The following MTHFD1L variants were observed in gnomAD, a reference collection of about 807,000 sequenced individuals.
MTHFD1L encodes the protein methylenetetrahydrofolate dehydrogenase (NADP+ dependent) 1 like.
A neutral mutation model predicts 119.5 loss-of-function variants in MTHFD1L; 81 were observed. The observed-to-expected ratio is 0.68, with a 90% CI of 0.57 to 0.82. The LOEUF (loss-of-function observed/expected upper bound fraction) is 0.82. Ranked by LOEUF, MTHFD1L falls within the 40% of genes least tolerant of loss-of-function variation. MTHFD1L has a pLI of 0.00. For synonymous variants in MTHFD1L, 430 were observed against 475.2 expected, an observed-to-expected ratio of 0.90 and a Z score of 1.24; for missense variants, 1,125 against 1,253.4, an observed-to-expected ratio of 0.90 and a Z score of 1.55.
chr6:150,877,613 T>G (rs765090172), intron 2 of MTHFD1L, 21 bp from the exon 3 acceptor site: 5 of 1,613,618 alleles, frequency 3.1e-6, no homozygotes, highest in Non-Finnish European at 4.2e-6. Flanking sequence ...TATGTTGTTA[T>G]GTTGTTTTTA....
chr6:150,923,550 T>TATTTA (rs1583579454), intron 10 of MTHFD1L, among the ~76,000 whole-genome samples: 2 of 140,650 alleles, frequency 1.4e-5, no homozygotes, highest in Admixed American at 7.1e-5. Context: ...TTTTCTTTTT[T>TATTTA]TTTTTTTTTT....
Position 150,973,575 on chromosome 6 carries a change from C to T in MTHFD1L, c.2125+1517C>T, listed in dbSNP as rs924729991. 8.5e-5 allele frequency among the ~76,000 whole-genome samples: 13 copies of T among 152,334 alleles called. No homozygotes were observed. In the East Asian group the frequency reaches 2.3e-3, roughly 27 times the overall value. ...AAATAAAGTAGCTTCTAGAAGGAAG[C>T]ACTCTATTTTATGCTGACAGAGATC... On this transcript the variant is annotated intron_variant, in intron 20 of 27. Coordinates refer to ENST00000367321, the MANE Select transcript of MTHFD1L (RefSeq NM_015440.5).
At chr6:150,866,726 C>G (rs1778408877) in intron 1 of MTHFD1L, 2 of 1,082,048 alleles carry the variant, frequency 1.8e-6, no homozygotes, top group South Asian at 9.1e-5. Flanking sequence ...CCACGGAGTC[C>G]CCGCGCAGCT....
At chr6:150,890,914 A>C (rs1783145527) in intron 7 of MTHFD1L, among the ~76,000 whole-genome samples, 1 of 152,238 alleles carries the variant, frequency 6.6e-6, no homozygotes, top group Non-Finnish European at 1.5e-5. Context: ...AGTTCATAAA[A>C]CAATGATATA....
intron 20 of MTHFD1L, 22 bp from the exon 21 acceptor site, chr6:151,009,797 T>G (rs1448218627): frequency 6.2e-7 from 1 of 1,613,082 alleles, no homozygotes; most frequent in South Asian, 1.1e-5. Flanking sequence ...TAATAGCACA[T>G]ATTCCACTTG....
chr6:150,892,667 C>T (rs983918897), intron 7 of MTHFD1L, among the ~76,000 whole-genome samples: 1 of 151,566 alleles, frequency 6.6e-6, no homozygotes, highest in Non-Finnish European at 1.5e-5. Flanking sequence ...AGGCTCCTGT[C>T]CCACCACAAA....
At chr6:150,994,835 AC>A (rs1434379707) in intron 20 of MTHFD1L, among the ~76,000 whole-genome samples, 2 of 152,246 alleles carry the variant, frequency 1.3e-5, no homozygotes, top group Non-Finnish European at 2.9e-5. Context: ...TGGCATCGTT[AC>A]ATTGCAGATA....
At chr6:150,960,659 C>T (rs73615208) in intron 18 of MTHFD1L, among the ~76,000 whole-genome samples, 8,436 of 152,152 alleles carry the variant, frequency 0.055, 783 homozygotes, top group African/African-American at 0.19. Context: ...AGGAGCTTTC[C>T]ACCATCCTTG....
At chr6:150,964,675 G>A (rs1796938858) in intron 18 of MTHFD1L, among the ~76,000 whole-genome samples, 1 of 152,174 alleles carries the variant, frequency 6.6e-6, no homozygotes, top group South Asian at 2.1e-4. Flanking sequence ...TTCTTGCAAT[G>A]AAAGATTTGT....
At chr6:150,911,904 C>G (rs1023731720) in intron 8 of MTHFD1L, among the ~76,000 whole-genome samples, 22 of 152,168 alleles carry the variant, frequency 1.4e-4, no homozygotes, top group African/African-American at 5.1e-4. Flanking sequence ...AAACCACCCC[C>G]ATGATTCAAA....
chr6:150,889,185 A>G (rs1424315063), intron 7 of MTHFD1L, among the ~76,000 whole-genome samples: 1 of 152,004 alleles, frequency 6.6e-6, no homozygotes, highest in Non-Finnish European at 1.5e-5. Context: ...TCAAAAAAAA[A>G]AGCTAAAACA....
chr6:150,865,807 C>T lies in MTHFD1L; in HGVS notation c.-16C>T. 1 of 1,292,604 alleles carries T rather than the reference C, an allele frequency of 7.7e-7. No homozygotes were observed. Among genetic ancestry groups the T allele is most frequent in the Non-Finnish European group, 9.9e-7 (1 of 1,012,398 alleles). The allele number at this position is 1,292,604 out of a possible 1,614,324, so 80.1% of individuals were successfully genotyped here. On this transcript the variant is annotated 5_prime_UTR_variant, in exon 1 of 28. Coordinates refer to ENST00000367321, the MANE Select transcript of MTHFD1L (RefSeq NM_015440.5). Reference sequence around the variant, plus strand: ...GCCGCAGCTCCGTGTCCCCTGAGAACCAGCCGTCCCGCGCCATGGGCACGC... The same window carrying T: ...GCCGCAGCTCCGTGTCCCCTGAGAATCAGCCGTCCCGCGCCATGGGCACGC...
rs1277512673 is a variant in MTHFD1L at position 150,918,669 on chromosome 6, G to T, written c.984+1G>T. 2 of 1,612,802 alleles carry T rather than the reference G, an allele frequency of 1.2e-6. No individual in the cohort carries two copies. Among genetic ancestry groups the T allele is most frequent in the Admixed American group, 3.3e-5 (2 of 60,006 alleles). On this transcript the variant is annotated splice_donor_variant, in intron 9 of 27. Coordinates refer to ENST00000367321, the MANE Select transcript of MTHFD1L (RefSeq NM_015440.5). LOFTEE classifies it high-confidence loss of function. ...CCTTGCTGCAGCTCTGCGAATTCAG[G>T]TTTGTTCAACATAGCTGTCTGAGAA...
chr6:150,945,402 G>C (rs1207483696), intron 14 of MTHFD1L, 65 bp from the exon 15 acceptor site: 2 of 1,317,810 alleles, frequency 1.5e-6, no homozygotes, highest in African/African-American at 2.9e-5. Flanking sequence ...GTCATATCCT[G>C]TGAATTGTCC....
chr6:151,017,833 T>TC (rs1783351438), intron 24 of MTHFD1L, among the ~76,000 whole-genome samples: 1 of 143,596 alleles, frequency 7.0e-6, no homozygotes, highest in Admixed American at 6.9e-5. Flanking sequence ...GTGTTTTCTT[T>TC]TTTTTTTTTT....
intron 8 of MTHFD1L, among the ~76,000 whole-genome samples, chr6:150,908,772 T>C (rs1279961630): frequency 6.6e-6 from 1 of 152,186 alleles, no homozygotes; most frequent in Non-Finnish European, 1.5e-5. Flanking sequence ...CTACAAGTTT[T>C]AATTTTAGCA....
chr6:151,100,035 T>C (rs1418160348), intron 27 of MTHFD1L: 7 of 163,580 alleles, frequency 4.3e-5, no homozygotes, highest in South Asian at 1.8e-4. Context: ...CTTTCTTTTC[T>C]TTTTTTTTTT....
intron 20 of MTHFD1L, among the ~76,000 whole-genome samples, chr6:150,979,339 G>A (rs142319103): frequency 4.4e-4 from 67 of 152,224 alleles, no homozygotes; most frequent in Admixed American, 6.5e-4. Flanking sequence ...CGTAATGTGC[G>A]CCAACAGTGG....
intron 6 of MTHFD1L, 43 bp downstream of exon 6, chr6:150,885,777 G>A (rs1158839755): frequency 7.0e-7 from 1 of 1,430,700 alleles, no homozygotes; most frequent in Non-Finnish European, 9.8e-7. Flanking sequence ...CTATTTATTG[G>A]TATTTACATT....
Sources: allele counts gnomAD v4.1 joint callset (sites outside exome capture counted in the v4.1 genomes callset), GRCh38; gene constraint gnomAD v4.1.1; transcripts MANE v1.5; gene names NCBI Gene and HGNC (gene_info 2026-07-23, HGNC 2026-07-21).